DAB2IP: variants seen among roughly 807,000 people sequenced by gnomAD.
The protein encoded by DAB2IP is disabled homolog 2-interacting protein.
In DAB2IP, 28 loss-of-function variants were observed where a neutral mutation model predicts 107.2. That is an observed-to-expected ratio of 0.26 (90% CI 0.19 to 0.36). DAB2IP has a LOEUF of 0.36. DAB2IP is among the 10% of genes least tolerant of loss of function. The pLI is 1.00. For synonymous variants in DAB2IP, 755 were observed against 706.4 expected (o/e 1.07, Z -1.09); for missense variants, 1,400 against 1,644.7 (o/e 0.85, Z 2.57).
At chr9:121,756,945 G>T in intron 3 of DAB2IP, 68 bp from the exon 4 acceptor site, 1 of 1,607,440 alleles carries the variant, frequency 6.2e-7, no homozygotes, top group Non-Finnish European at 8.5e-7. Context: ...AGGGCAGATG[G>T]GTGGGACATG....
chr9:121,771,547 C>T (rs574097608), intron 11 of DAB2IP, among the ~76,000 whole-genome samples: 1 of 152,024 alleles, frequency 6.6e-6, no homozygotes, highest in Non-Finnish European at 1.5e-5. Context: ...TGCATTGGGT[C>T]TGTTCAGTGA....
upstream of DAB2IP, among the ~76,000 whole-genome samples, chr9:121,649,597 C>T (rs1832668295): frequency 6.6e-6 from 1 of 152,200 alleles, no homozygotes; most frequent in African/African-American, 2.4e-5. Flanking sequence ...ACCGTTGCCC[C>T]CGTCCTGAGT....
At chr9:121,761,539 AG>A (rs1444853882) in intron 6 of DAB2IP, among the ~76,000 whole-genome samples, 1 of 152,184 alleles carries the variant, frequency 6.6e-6, no homozygotes, top group Non-Finnish European at 1.5e-5. Flanking sequence ...AGGCCCTGGA[AG>A]GGGAGGCCAT....
chr9:121,680,410 G>T (rs1410413918), intron 2 of DAB2IP, among the ~76,000 whole-genome samples: 2 of 152,224 alleles, frequency 1.3e-5, no homozygotes, highest in African/African-American at 2.4e-5. Context: ...CCAGCTGGGG[G>T]TTGAGCCCAT....
In DAB2IP at chr9:121,684,808, G is replaced by T. The variant is rs1828783158; in HGVS notation, c.228+6027G>T. Among the ~76,000 whole-genome samples, 1 of 152,226 alleles carries T rather than the reference G, an allele frequency of 6.6e-6. No homozygotes were observed. The highest frequency in any genetic ancestry group is 1.5e-5 in the Non-Finnish European group (1 of 68,034). On this transcript the variant is annotated intron_variant, in intron 2 of 15. Transcript: ENST00000408936. This position sits in a 1 kb window ranked among gnomAD's most constrained non-coding sequence, Gnocchi z 4.0. ...TCCCAGGGTATATGGGGAAACTGAG[G>T]CCTGGAGAGGAGCAGCTTGCCCAGG...
At chr9:121,774,742 G>T (rs1171968533) in intron 13 of DAB2IP, among the ~76,000 whole-genome samples, 1 of 152,194 alleles carries the variant, frequency 6.6e-6, no homozygotes, top group Non-Finnish European at 1.5e-5. Flanking sequence ...GGACCTGGGG[G>T]TTGAGGGCTG....
chr9:121,702,531 G>T lies in DAB2IP; in HGVS notation c.362+3073G>T, dbSNP rs1177855781. 1.3e-5 allele frequency among the ~76,000 whole-genome samples: 2 copies of T among 152,180 alleles called. No homozygotes were observed. Among genetic ancestry groups the T allele is most frequent in the Admixed American group, 1.3e-4 (2 of 15,282 alleles). On this transcript the variant is annotated intron_variant, in intron 3 of 15. Transcript: ENST00000408936. This position sits in a 1 kb window ranked among gnomAD's most constrained non-coding sequence, Gnocchi z 4.5. ...ACTCATTTCTTCTTCAGAAGCTTTG[G>T]CAGTAAGCACCAAGGACAGGTGATC... is the stretch of plus-strand genomic sequence containing the variant.
rs767542032 is a variant in DAB2IP, at chr9:121,701,267, G to T, written c.362+1809G>T. ...AGCGGGAAGCCTGTACCTAGAAGCCGGCAAGTGCTGGCTGGCCACCCTAGC... is the reference window on the plus strand; with the variant it reads ...AGCGGGAAGCCTGTACCTAGAAGCCTGCAAGTGCTGGCTGGCCACCCTAGC... On this transcript the variant is annotated intron_variant, in intron 3 of 15. Coordinates refer to ENST00000408936, the Ensembl canonical transcript of DAB2IP. The surrounding 1 kb of genome is among the most constrained non-coding windows in gnomAD (Gnocchi z 4.7). Among the ~76,000 whole-genome samples the T allele has an allele frequency of 6.6e-6, 1 of 152,194 alleles. No individual in the cohort carries two copies. Among genetic ancestry groups the T allele is most frequent in the African/African-American group, 2.4e-5 (1 of 41,456 alleles).
At chr9:121,686,047 G>A (rs548070047) in intron 2 of DAB2IP, among the ~76,000 whole-genome samples, 2 of 152,344 alleles carry the variant, frequency 1.3e-5, no homozygotes, top group Admixed American at 6.5e-5. Flanking sequence ...CAGACATGGA[G>A]TGCAGCATAC....
At position 121,782,256 on chromosome 9, in the gene DAB2IP, C is replaced by G. The variant is rs72770702; in HGVS notation, c.3403-75C>G. The stretch of plus-strand genomic sequence containing the variant: ...CTCATCTCCAGGCCACCCCCTTCCC[C>G]GATGCTTGTCGTAGGTATACACAGC... On this transcript the variant is annotated intron_variant, in intron 15 of 15. Transcript: ENST00000408936. The surrounding 1 kb of genome is among the most constrained non-coding windows in gnomAD (Gnocchi z 6.1). The G allele has an allele frequency of 6.5e-7, 1 of 1,540,202 alleles. No homozygotes were observed. Among genetic ancestry groups the G allele is most frequent in the African/African-American group, 1.4e-5 (1 of 73,170 alleles).
chr9:121,711,234 C>A (rs528794748), intron 3 of DAB2IP, among the ~76,000 whole-genome samples: 1 of 152,094 alleles, frequency 6.6e-6, no homozygotes, highest in Non-Finnish European at 1.5e-5. Context: ...TGTTAATGGG[C>A]GTTTGCGATG....
chr9:121,638,502 G>A (rs185407177), intron 1 of DAB2IP, among the ~76,000 whole-genome samples: 96 of 152,300 alleles, frequency 6.3e-4, no homozygotes, highest in African/African-American at 2.1e-3. Context: ...TGTTGCAGGA[G>A]GGCTGTGGAG....
chr9:121,650,919 T>C (rs34846876), upstream of DAB2IP, among the ~76,000 whole-genome samples: 27,055 of 152,090 alleles, frequency 0.18, 2,845 homozygotes, highest in Non-Finnish European at 0.23. Flanking sequence ...CAAGGATGTT[T>C]AGACGTATTG....
chr9:121,671,910 T>C (rs1833700062), intron 1 of DAB2IP, among the ~76,000 whole-genome samples: 1 of 152,010 alleles, frequency 6.6e-6, no homozygotes, highest in South Asian at 2.1e-4. Flanking sequence ...TCTCCACGTG[T>C]GCAGGATGAA....
chr9:121,777,567 G>A (rs1416248987), intron 14 of DAB2IP, among the ~76,000 whole-genome samples: 2 of 152,198 alleles, frequency 1.3e-5, no homozygotes, highest in Middle Eastern at 3.2e-3. Flanking sequence ...TGCTTAACAC[G>A]TTCGTTTCTA....
chr9:121,697,054 G>T (rs1224954090), intron 2 of DAB2IP, among the ~76,000 whole-genome samples: 2 of 152,162 alleles, frequency 1.3e-5, no homozygotes, highest in African/African-American at 4.8e-5. Context: ...GTCATTGTCA[G>T]TTTGGGTGGG....
intron 1 of DAB2IP, among the ~76,000 whole-genome samples, chr9:121,568,870 G>T (rs1829867304): frequency 6.6e-6 from 1 of 152,226 alleles, no homozygotes; most frequent in Admixed American, 6.5e-5. Flanking sequence ...GGGCAAGGCT[G>T]GAAACTGAGG....
At chr9:121,765,322 C>CATTG (rs1834204333) in intron 8 of DAB2IP, among the ~76,000 whole-genome samples, 1 of 152,228 alleles carries the variant, frequency 6.6e-6, no homozygotes, top group Non-Finnish European at 1.5e-5. Context: ...TGGACAAGGC[C>CATTG]ATTGATAGAT....
chr9:121,628,699 G>A (rs947558460), intron 1 of DAB2IP, among the ~76,000 whole-genome samples: 49 of 152,320 alleles, frequency 3.2e-4, no homozygotes, highest in Middle Eastern at 3.4e-3. Flanking sequence ...GAGGGAAAGC[G>A]GGGCATGCAG....
Sources: allele counts gnomAD v4.1 joint callset (sites outside exome capture counted in the v4.1 genomes callset), GRCh38; gene constraint gnomAD v4.1.1; non-coding constraint Gnocchi (gnomAD v3.1); transcripts MANE v1.5; gene names NCBI Gene and HGNC (gene_info 2026-07-23, HGNC 2026-07-21).